The following C1QTNF7 variants were observed in gnomAD, a reference collection of about 807,000 sequenced individuals.
C1QTNF7 encodes the protein C1q and TNF related 7, also known as complement C1q tumor necrosis factor-related protein 7.
C1QTNF7 carries 15 observed loss-of-function variants against 19.6 expected under a neutral mutation model. The ratio of observed to expected loss-of-function variants is 0.76; its 90% CI spans 0.51 to 1.18. The LOEUF (loss-of-function observed/expected upper bound fraction) is 1.18, where lower values mean the gene tolerates loss of function less well. Ranked by LOEUF, C1QTNF7 falls within the 50% of genes most tolerant of loss-of-function variation. The pLI, the probability that C1QTNF7 is intolerant of heterozygous loss-of-function variation, is 0.00. For synonymous variants in C1QTNF7, 142 were observed against 137.5 expected (o/e 1.03, Z -0.23); for missense variants, 324 against 359.7 (o/e 0.90, Z 0.80).
At chr4:15,346,020 G>A (rs1279065457) in intron 1 of C1QTNF7, among the ~76,000 whole-genome samples, 1 of 152,126 alleles carries the variant, frequency 6.6e-6, no homozygotes, top group Non-Finnish European at 1.5e-5. Context: ...ATTTTCTGTT[G>A]CTAAATGCAA....
At chr4:15,383,373 C>T (rs1718217934) in intron 1 of C1QTNF7, among the ~76,000 whole-genome samples, 1 of 152,228 alleles carries the variant, frequency 6.6e-6, no homozygotes. Flanking sequence ...CTAATACCAA[C>T]AGACTTAAGC....
At chr4:15,415,992 T>C (rs1719591504) in intron 1 of C1QTNF7, among the ~76,000 whole-genome samples, 2 of 152,174 alleles carry the variant, frequency 1.3e-5, no homozygotes, top group South Asian at 4.1e-4. Flanking sequence ...TGATTAACAG[T>C]GTTGTACATA....
intron 1 of C1QTNF7, among the ~76,000 whole-genome samples, chr4:15,403,499 G>A (rs1157887476): frequency 6.6e-6 from 1 of 152,112 alleles, no homozygotes; most frequent in Non-Finnish European, 1.5e-5. Flanking sequence ...GGCAATCCTT[G>A]GGGTTTCTGG....
intron 1 of C1QTNF7, among the ~76,000 whole-genome samples, chr4:15,434,203 T>A (rs1359937401): frequency 6.6e-6 from 1 of 152,056 alleles, no homozygotes; most frequent in East Asian, 1.9e-4. Context: ...CAAGATTTAG[T>A]CAAAGTTACA....
chr4:15,423,574 T>C (rs2108928273), upstream of C1QTNF7, among the ~76,000 whole-genome samples: 1 of 152,262 alleles, frequency 6.6e-6, no homozygotes, highest in Middle Eastern at 3.4e-3. Flanking sequence ...AACAGCCTGG[T>C]TCATGAAATC....
intron 1 of C1QTNF7, among the ~76,000 whole-genome samples, chr4:15,413,680 A>G (rs1222506308): frequency 6.6e-6 from 1 of 152,254 alleles, no homozygotes; most frequent in African/African-American, 2.4e-5. Flanking sequence ...TAACTTTCTA[A>G]AACACATGAG....
At chr4:15,405,811 C>T (rs746110578) in intron 1 of C1QTNF7, among the ~76,000 whole-genome samples, 1 of 152,162 alleles carries the variant, frequency 6.6e-6, no homozygotes, top group Non-Finnish European at 1.5e-5. Flanking sequence ...CCTGCATAAC[C>T]CAGCCTGTGT....
chr4:15,417,505 A>G (rs1719642662), intron 1 of C1QTNF7, among the ~76,000 whole-genome samples: 1 of 152,268 alleles, frequency 6.6e-6, no homozygotes, highest in African/African-American at 2.4e-5. Context: ...GACCAGGCAC[A>G]GTGGTTCATG....
intron 1 of C1QTNF7, chr4:15,374,760 T>C: frequency 1.0e-6 from 1 of 984,090 alleles, no homozygotes; most frequent in Non-Finnish European, 1.2e-6. Flanking sequence ...TGGAAGGTCT[T>C]GTGAGCAATG....
intron 1 of C1QTNF7, among the ~76,000 whole-genome samples, chr4:15,385,367 T>G (rs952423862): frequency 1.3e-4 from 19 of 150,904 alleles, no homozygotes; most frequent in Middle Eastern, 3.4e-3. Context: ...CAGATAAGGC[T>G]GGGAGCCATG....
At chr4:15,352,756 T>C (rs1408006689) in intron 1 of C1QTNF7, among the ~76,000 whole-genome samples, 1 of 152,152 alleles carries the variant, frequency 6.6e-6, no homozygotes. Flanking sequence ...TCAGCACTGT[T>C]CATCTCCACC....
At chr4:15,409,115 C>G (rs1481929686) in intron 1 of C1QTNF7, among the ~76,000 whole-genome samples, 4 of 152,178 alleles carry the variant, frequency 2.6e-5, no homozygotes, top group Non-Finnish European at 4.4e-5. Context: ...ACATCTCCAA[C>G]TAAAATAACC....
intron 1 of C1QTNF7, among the ~76,000 whole-genome samples, chr4:15,415,330 G>A (rs935194584): frequency 6.6e-6 from 1 of 152,120 alleles, no homozygotes; most frequent in Non-Finnish European, 1.5e-5. Context: ...AATATTCAAA[G>A]ACACTCTTTT....
intron 1 of C1QTNF7, among the ~76,000 whole-genome samples, chr4:15,361,860 C>T (rs1032039871): frequency 1.3e-5 from 2 of 152,136 alleles, no homozygotes; most frequent in African/African-American, 4.8e-5. Flanking sequence ...CTTTGGGAGG[C>T]TCTTCAGCCT....
intron 1 of C1QTNF7, among the ~76,000 whole-genome samples, chr4:15,408,533 T>C (rs982923245): frequency 6.6e-6 from 1 of 152,064 alleles, no homozygotes; most frequent in Non-Finnish European, 1.5e-5. Flanking sequence ...TGTATGTATG[T>C]ATATATGGAT....
intron 1 of C1QTNF7, among the ~76,000 whole-genome samples, chr4:15,409,137 T>G (rs1205784970): frequency 6.6e-6 from 1 of 152,234 alleles, no homozygotes; most frequent in Non-Finnish European, 1.5e-5. Context: ...CTCTCTAAAA[T>G]TTTTAGATTT....
intron 1 of C1QTNF7, among the ~76,000 whole-genome samples, chr4:15,372,480 T>G (rs1717770996): frequency 6.6e-6 from 1 of 152,238 alleles, no homozygotes. Context: ...TACATTTCTG[T>G]TGTTTATGCC....
intron 1 of C1QTNF7, among the ~76,000 whole-genome samples, chr4:15,351,260 T>C (rs889705421): frequency 1.3e-5 from 2 of 152,178 alleles, no homozygotes; most frequent in Admixed American, 6.5e-5. Flanking sequence ...TCATCCTTCC[T>C]TCCTTCCTCT....
At chr4:15,392,392 G>T (rs187115459) in intron 1 of C1QTNF7, among the ~76,000 whole-genome samples, 2 of 152,324 alleles carry the variant, frequency 1.3e-5, no homozygotes, top group Admixed American at 1.3e-4. Flanking sequence ...ACACAATGGA[G>T]TGTTAACTGC....
Sources: allele counts gnomAD v4.1 joint callset (sites outside exome capture counted in the v4.1 genomes callset), GRCh38; gene constraint gnomAD v4.1.1; transcripts MANE v1.5; gene names NCBI Gene and HGNC (gene_info 2026-07-23, HGNC 2026-07-21).